The following BRAF variants were observed in gnomAD, a reference collection of about 807,000 sequenced individuals.
The protein encoded by BRAF is B-Raf proto-oncogene, serine/threonine kinase, also known as serine/threonine-protein kinase B-raf.
BRAF carries 16 observed loss-of-function variants against 104.6 expected under a neutral mutation model. That is an observed-to-expected ratio of 0.15 (90% confidence interval 0.10 to 0.23). The LOEUF is 0.23. BRAF is among the 10% of genes least tolerant of loss of function. The pLI, the probability that BRAF is intolerant of heterozygous loss-of-function variation, is 1.00. For missense variants in BRAF, 541 were observed against 937.3 expected (o/e 0.58, Z 5.52); for synonymous variants, 310 against 341.6 (o/e 0.91, Z 1.02).
chr7:140,862,499 G>A (rs1810526120), intron 1 of BRAF, among the ~76,000 whole-genome samples: 1 of 152,216 alleles, frequency 6.6e-6, no homozygotes, highest in Admixed American at 6.5e-5. Flanking sequence ...CCAATGGTCT[G>A]AGTAAAAGGG....
Position 140,806,530 on chromosome 7 carries a change from TC to T in BRAF, c.711+1429del, listed in dbSNP as rs748025110. The stretch of plus-strand genomic sequence containing the variant: ...CACAATCCTTCTGTGGCAAGGACCT[TC>T]CTGAGGCATCATTTTAATACTATTT... On this transcript the variant is annotated intron_variant, in intron 5 of 19. Coordinates refer to ENST00000644969, the MANE Select transcript of BRAF (RefSeq NM_001374258.1). Among the ~76,000 whole-genome samples the T allele has an allele frequency of 8.3e-4, 126 of 152,300 alleles. 1 individual carries two copies. Among genetic ancestry groups the T allele is most frequent in the Non-Finnish European group, 1.5e-3 (102 of 68,016 alleles).
intron 14 of BRAF, among the ~76,000 whole-genome samples, chr7:140,756,147 T>C (rs925506876): frequency 6.6e-6 from 1 of 152,120 alleles, no homozygotes; most frequent in African/African-American, 2.4e-5. Flanking sequence ...GATATAAATG[T>C]AATTGGGGAA....
Position 140,815,183 on chromosome 7 carries a change from G to A in BRAF, c.505-6188C>T, listed in dbSNP as rs1257579084. Among the ~76,000 whole-genome samples the A allele has an allele frequency of 2.6e-5, 4 of 150,954 alleles. No homozygotes were observed. In the East Asian group the frequency reaches 7.8e-4, roughly 29 times the overall value. ...GACAGAGTCTCGCTCTGTCGCCCAG[G>A]CTGCAGTGCAGTGGCGTGATCTCAG... On this transcript the variant is annotated intron_variant, in intron 3 of 19. Transcript: ENST00000644969.
At chr7:140,825,817 A>C (rs1805986149) in intron 3 of BRAF, among the ~76,000 whole-genome samples, 1 of 152,104 alleles carries the variant, frequency 6.6e-6, no homozygotes, top group African/African-American at 2.4e-5. Context: ...TTTTCTATAT[A>C]ATTTTTTCCC....
chr7:140,761,816 A>G (rs554174006), intron 14 of BRAF, among the ~76,000 whole-genome samples: 2 of 152,328 alleles, frequency 1.3e-5, no homozygotes, highest in African/African-American at 4.8e-5. Context: ...TGGTAAAGGG[A>G]CCAATTCAAC....
chr7:140,812,332 T>C (rs1804372006), intron 3 of BRAF, among the ~76,000 whole-genome samples: 1 of 152,132 alleles, frequency 6.6e-6, no homozygotes, highest in African/African-American at 2.4e-5. Flanking sequence ...TTTAACCCAT[T>C]CTAATATATA....
At chr7:140,752,878 G>T (rs761422747) in intron 16 of BRAF, among the ~76,000 whole-genome samples, 1 of 151,602 alleles carries the variant, frequency 6.6e-6, no homozygotes, top group Non-Finnish European at 1.5e-5. Context: ...TTTCAACAGG[G>T]TACACAGAAC....
In BRAF at chr7:140,787,522, T is replaced by A. The variant is rs779679990; in HGVS notation, c.1177+26A>T. 7 of 1,605,956 alleles carry A rather than the reference T, an allele frequency of 4.4e-6. No individual in the cohort carries two copies. The African/African-American group carries it at 5.4e-5, about 12-fold the overall frequency. On this transcript the variant is annotated intron_variant, in intron 9 of 19. Transcript: ENST00000644969. Reference sequence around the variant, plus strand: ...AGCAATTGCAGTTTCCTTGAGTTTTTAAAAAAACCTGAAATCACTACTTAC... The same window carrying A: ...AGCAATTGCAGTTTCCTTGAGTTTTAAAAAAAACCTGAAATCACTACTTAC...
Position 140,724,243 on chromosome 7 carries a change from A to T in BRAF, c.*2251T>A. On this transcript the variant is annotated 3_prime_UTR_variant, in exon 20 of 20. Transcript: ENST00000644969. ...GGAGGCAGTCCCGGACCCAGGCTGC[A>T]CATGTTCTACCTCCTCAGCAGGACA... The T allele has an allele frequency of 9.4e-7, 1 of 1,059,314 alleles. No individual in the cohort carries two copies. The highest frequency in any genetic ancestry group is 1.1e-6 in the Non-Finnish European group (1 of 875,504). The allele number at this position is 1,059,314 out of a possible 1,614,324, so 65.6% of individuals were successfully genotyped here. A position where few individuals can be genotyped will look rare whatever the true frequency, so the allele number is the denominator to read the frequency against.
Position 140,788,113 on chromosome 7 carries a change from C to A in BRAF, c.1141-529G>T, listed in dbSNP as rs140311183. On this transcript the variant is annotated intron_variant, in intron 8 of 19. Transcript: ENST00000644969. ...CATGTTGACCTACGTAACAACCCTG[C>A]ACATCCTGCACATGTACCCCTGAAC... Among the ~76,000 whole-genome samples the A allele has an allele frequency of 1.2e-3, 185 of 152,192 alleles. No individual in the cohort carries two copies. Among genetic ancestry groups the A allele is most frequent in the Non-Finnish European group, 2.0e-3 (137 of 68,004 alleles).
At chr7:140,919,477 C>T (rs1265702749) in intron 1 of BRAF, among the ~76,000 whole-genome samples, 3 of 151,002 alleles carry the variant, frequency 2.0e-5, no homozygotes, top group Non-Finnish European at 4.4e-5. Flanking sequence ...TTTTTTTAAG[C>T]CCAAGAGAAA....
intron 1 of BRAF, among the ~76,000 whole-genome samples, chr7:140,886,645 C>T (rs1280927114): frequency 6.6e-6 from 1 of 152,208 alleles, no homozygotes; most frequent in Non-Finnish European, 1.5e-5. Context: ...TTAAATCTCA[C>T]TTTCTCAAAG....
intron 1 of BRAF, among the ~76,000 whole-genome samples, chr7:140,896,593 C>T (rs967238401): frequency 1.5e-4 from 23 of 150,892 alleles, no homozygotes; most frequent in Admixed American, 7.3e-4. Context: ...GGCCCAGGCG[C>T]GGTGGCTCAC....
At chr7:140,844,035 T>G (rs910520480) in intron 2 of BRAF, among the ~76,000 whole-genome samples, 3 of 151,748 alleles carry the variant, frequency 2.0e-5, no homozygotes, top group Non-Finnish European at 4.4e-5. Flanking sequence ...TAATAAAAAT[T>G]AAAAAATTCT....
chr7:140,840,484 T>C (rs1807828689), intron 2 of BRAF, among the ~76,000 whole-genome samples: 1 of 152,054 alleles, frequency 6.6e-6, no homozygotes, highest in Non-Finnish European at 1.5e-5. Flanking sequence ...ATGGATCTAC[T>C]ATCTAGAATA....
intron 1 of BRAF, among the ~76,000 whole-genome samples, chr7:140,866,204 TTAATTG>T (rs1233306613): frequency 6.6e-6 from 1 of 152,222 alleles, no homozygotes; most frequent in Non-Finnish European, 1.5e-5. Context: ...TTCAGGACTT[TTAATTG>T]TAAGTATTTT....
intron 14 of BRAF, among the ~76,000 whole-genome samples, chr7:140,763,228 G>A (rs1420239651): frequency 1.3e-5 from 2 of 151,918 alleles, no homozygotes; most frequent in African/African-American, 4.8e-5. Flanking sequence ...CGGCTGGCCG[G>A]GCGGGGGGCT....
Position 140,725,683 on chromosome 7 carries a change from T to C in BRAF, c.*811A>G, listed in dbSNP as rs1334206089. 3.8e-6 allele frequency: 4 copies of C among 1,058,472 alleles called. No individual in the cohort carries two copies. Among genetic ancestry groups the C allele is most frequent in the African/African-American group, 1.7e-5 (1 of 59,924 alleles). The allele number at this position is 1,058,472 out of a possible 1,614,324, so 65.6% of individuals were successfully genotyped here. A position where few individuals can be genotyped will look rare whatever the true frequency, so the allele number is the denominator to read the frequency against. ...GATATAAACTGTATTTCCTGAGAAT[T>C]TGCTACATTGTGGAGGAAAAAAAAA... On this transcript the variant is annotated 3_prime_UTR_variant, in exon 20 of 20. Transcript: ENST00000644969.
At chr7:140,791,227 A>G (rs1243473895) in intron 8 of BRAF, among the ~76,000 whole-genome samples, 1 of 152,172 alleles carries the variant, frequency 6.6e-6, no homozygotes, top group East Asian at 1.9e-4. Context: ...ACTTAATCCT[A>G]CTTCCTCACC....
Sources: allele counts gnomAD v4.1 joint callset (sites outside exome capture counted in the v4.1 genomes callset), GRCh38; gene constraint gnomAD v4.1.1; transcripts MANE v1.5; gene names NCBI Gene and HGNC (gene_info 2026-07-23, HGNC 2026-07-21).